Variants in ANKRD36 observed in about 807,000 individuals in gnomAD.
ANKRD36 encodes the protein ankyrin repeat domain-containing protein 36A.
Under a neutral mutation model 278.1 loss-of-function variants are expected in ANKRD36, and 179 were observed. The observed-to-expected ratio is 0.64, with a 90% CI of 0.57 to 0.73. The LOEUF is 0.73. Ranked by LOEUF, ANKRD36 falls within the 30% of genes least tolerant of loss-of-function variation. The pLI, the probability that ANKRD36 is intolerant of heterozygous loss-of-function variation, is 0.00. For missense variants in ANKRD36, 1,159 were observed against 1,956.7 expected, an observed-to-expected ratio of 0.59 and a Z score of 7.69; for synonymous variants, 320 against 641.1, an observed-to-expected ratio of 0.50 and a Z score of 7.57.
At chr2:97,173,562 C>A (rs1007834535) in intron 22 of ANKRD36, among the ~76,000 whole-genome samples, 1 of 151,754 alleles carries the variant, frequency 6.6e-6, no homozygotes, top group Non-Finnish European at 1.5e-5. Flanking sequence ...TGGGATTGTA[C>A]AGATGTCACA....
intron 6 of ANKRD36, 124 bp from the exon 7 acceptor site, chr2:97,142,516 T>C (rs1312147058): frequency 6.6e-7 from 1 of 1,523,308 alleles, no homozygotes; most frequent in African/African-American, 1.4e-5. Context: ...ACACAAAGTA[T>C]AAAACATAAA....
chr2:97,194,324 G>A (rs1298336123), intron 38 of ANKRD36, among the ~76,000 whole-genome samples: 3 of 151,480 alleles, frequency 2.0e-5, no homozygotes, highest in Non-Finnish European at 3.0e-5. Context: ...GTAGTATAAT[G>A]GTGTAAATCC....
intron 12 of ANKRD36, among the ~76,000 whole-genome samples, chr2:97,150,345 A>G (rs2045576931): frequency 6.6e-6 from 1 of 152,018 alleles, no homozygotes; most frequent in Admixed American, 6.6e-5. Flanking sequence ...TTAGTTATTG[A>G]AAAAATAATT....
intron 35 of ANKRD36, 22 bp downstream of exon 35, chr2:97,191,028 T>A: frequency 1.2e-6 from 2 of 1,604,756 alleles, no homozygotes; most frequent in Non-Finnish European, 1.7e-6. Context: ...CTCATTTATA[T>A]TGTGAACTAG....
chr2:97,226,749 A>G (rs1256401304), intron 67 of ANKRD36, among the ~76,000 whole-genome samples: 1 of 151,504 alleles, frequency 6.6e-6, no homozygotes, highest in Admixed American at 6.6e-5. Flanking sequence ...TAGGGTTTTT[A>G]TGGTTTTAGG....
In ANKRD36 at chr2:97,207,992, A is replaced by G. The variant is rs1171906129; in HGVS notation, c.3251A>G (p.Glu1084Gly). Residue 1084 changes from glutamate (E) to glycine (G), a missense_variant, in exon 54 of 76, where the codon GAA (glutamate) becomes GGA (glycine). Physicochemically the swap from Glu to Gly is moderately conservative, Grantham distance 98 (BLOSUM62 -2). Coordinates refer to ENST00000420699, the MANE Select transcript of ANKRD36 (RefSeq NM_001354587.1). The stretch of plus-strand genomic sequence containing the variant: ...ATAGCCAGAGGAAAAAAGTATGGAG[A>G]AAAAACTAAGAGAGGTAATTTTGAA... ...LNIARGKKYG[E>G]KTKRVSSRKK... 3.8e-5 allele frequency: 58 copies of G among 1,521,894 alleles called. 6 individuals are homozygous for G. The highest frequency in any genetic ancestry group is 5.1e-5 in the Non-Finnish European group (58 of 1,132,014). 94.3% of individuals were successfully genotyped at this position (1,521,894 alleles called of 1,614,324 possible).
chr2:97,179,797 A>G (rs2055584286), intron 23 of ANKRD36, 31 bp downstream of exon 23: 2 of 1,597,158 alleles, frequency 1.3e-6, no homozygotes, highest in Non-Finnish European at 1.7e-6. Flanking sequence ...ATGTTGAACT[A>G]TTAACTGTAT....
At chr2:97,202,741 C>T (rs2061737568) in intron 48 of ANKRD36, among the ~76,000 whole-genome samples, 1 of 151,762 alleles carries the variant, frequency 6.6e-6, no homozygotes, top group South Asian at 2.1e-4. Flanking sequence ...TTACAGACGT[C>T]ACATCGTACT....
chr2:97,209,632 C>G (rs759176901), intron 54 of ANKRD36, 49 bp from the exon 55 acceptor site: 2 of 1,579,018 alleles, frequency 1.3e-6, no homozygotes, highest in South Asian at 2.2e-5. Flanking sequence ...GTATGGATAA[C>G]TTTATCATAT....
intron 22 of ANKRD36, among the ~76,000 whole-genome samples, chr2:97,169,422 T>G (rs1237499086): frequency 1.3e-5 from 2 of 152,300 alleles, no homozygotes; most frequent in African/African-American, 4.8e-5. Context: ...GATCATAGTA[T>G]TGGAAGTTCT....
chr2:97,123,384 T>C (rs2037471829), intron 4 of ANKRD36, among the ~76,000 whole-genome samples: 1 of 106,870 alleles, frequency 9.4e-6, no homozygotes, highest in African/African-American at 2.6e-5. Flanking sequence ...TTCTACTGTG[T>C]TTTGATGTTG....
At chr2:97,221,621 G>A (rs1324473452) in intron 66 of ANKRD36, among the ~76,000 whole-genome samples, 1 of 148,352 alleles carries the variant, frequency 6.7e-6, no homozygotes, top group East Asian at 2.1e-4. Flanking sequence ...TTTTTGATGG[G>A]GTTGTTTGTT....
Position 97,154,202 on chromosome 2 carries a change from G to C in ANKRD36, c.1194-473G>C, listed in dbSNP as rs1336739253. Among the ~76,000 whole-genome samples, 2 of 147,004 alleles carry C rather than the reference G, an allele frequency of 1.4e-5. 1 individual carries two copies. The highest frequency in any genetic ancestry group is 1.3e-4 in the Admixed American group (2 of 14,856). On this transcript the variant is annotated intron_variant, in intron 14 of 75. Coordinates refer to ENST00000420699, the MANE Select transcript of ANKRD36 (RefSeq NM_001354587.1). ...GAAGATCTAAGACTCCCATTTTCCA[G>C]TGACACAGATTAGTCTTTGAATCAG...
At chr2:97,166,690 A>G (rs1025120055) in intron 20 of ANKRD36, among the ~76,000 whole-genome samples, 8 of 152,358 alleles carry the variant, frequency 5.3e-5, no homozygotes, top group East Asian at 3.9e-4. Flanking sequence ...TTGTTGCTTC[A>G]GAGATTAATG....
At chr2:97,133,757 ATAACT>A (rs1042861288) in intron 6 of ANKRD36, among the ~76,000 whole-genome samples, 1 of 152,076 alleles carries the variant, frequency 6.6e-6, no homozygotes, top group Non-Finnish European at 1.5e-5. Flanking sequence ...TAAAAAATTA[ATAACT>A]TTATTTTAAG....
intron 68 of ANKRD36, among the ~76,000 whole-genome samples, chr2:97,241,003 T>G (rs2074274515): frequency 2.1e-5 from 3 of 144,984 alleles, no homozygotes; most frequent in Non-Finnish European, 4.5e-5. Context: ...TTTTTTTTTT[T>G]TTTTTTTTTT....
intron 38 of ANKRD36, among the ~76,000 whole-genome samples, chr2:97,193,602 C>T (rs1268442288): frequency 3.6e-4 from 55 of 151,002 alleles, no homozygotes; most frequent in African/African-American, 1.1e-3. Context: ...TTCAGATGCA[C>T]TTGGAATATT....
At chr2:97,197,090 G>A (rs561097686) in intron 42 of ANKRD36, among the ~76,000 whole-genome samples, 1 of 152,040 alleles carries the variant, frequency 6.6e-6, no homozygotes, top group South Asian at 2.1e-4. Flanking sequence ...CTTGTTTTCA[G>A]TAAGGGTGGA....
intron 60 of ANKRD36, among the ~76,000 whole-genome samples, chr2:97,214,018 T>C (rs1322564305): frequency 1.3e-5 from 2 of 151,770 alleles, no homozygotes; most frequent in South Asian, 2.1e-4. Context: ...CTGTAGACGC[T>C]GTAGAATGAG....
Sources: gnomAD v4.1 joint callset for allele counts (sites outside exome capture counted in the v4.1 genomes callset) on GRCh38, gnomAD v4.1.1 for gene constraint, MANE v1.5 for transcripts, NCBI Gene and HGNC (gene_info 2026-07-23, HGNC 2026-07-21) for gene names.